The following FNBP1L variants were observed in gnomAD, a reference collection of about 807,000 sequenced individuals.
FNBP1L encodes the protein formin binding protein 1 like, also known as formin-binding protein 1-like.
Under a neutral mutation model 91.2 loss-of-function variants are expected in FNBP1L, and 36 were observed. That is an observed-to-expected ratio of 0.39 (90% CI 0.30 to 0.52). FNBP1L has a LOEUF of 0.52. Ranked by LOEUF, FNBP1L falls within the 20% of genes least tolerant of loss-of-function variation. The pLI, the probability that FNBP1L is intolerant of heterozygous loss-of-function variation, is 0.66. For missense variants in FNBP1L, 571 were observed against 732.1 expected, an observed-to-expected ratio of 0.78 and a Z score of 2.54; for synonymous variants, 242 against 237.0, an observed-to-expected ratio of 1.02 and a Z score of -0.19.
At chr1:93,537,375 C>T (rs1231167010) in intron 10 of FNBP1L, among the ~76,000 whole-genome samples, 3 of 151,818 alleles carry the variant, frequency 2.0e-5, no homozygotes, top group Admixed American at 2.0e-4. Flanking sequence ...CCCTTCCCTC[C>T]CTTCCTTTCT....
At chr1:93,498,596 G>A (rs564071317) in intron 1 of FNBP1L, among the ~76,000 whole-genome samples, 1 of 152,232 alleles carries the variant, frequency 6.6e-6, no homozygotes, top group East Asian at 1.9e-4. Context: ...TTATGGAAAG[G>A]GATGATACTT....
intron 2 of FNBP1L, among the ~76,000 whole-genome samples, chr1:93,512,927 C>G (rs1670914897): frequency 2.0e-5 from 3 of 151,526 alleles, no homozygotes; most frequent in Admixed American, 6.6e-5. Flanking sequence ...GAAATCAGAG[C>G]AGAACTGAAG....
chr1:93,530,623 T>A, intron 6 of FNBP1L, 132 bp from the exon 7 acceptor site: 1 of 884,046 alleles, frequency 1.1e-6, no homozygotes, highest in South Asian at 1.7e-5. Flanking sequence ...AAAAAAGTTA[T>A]GCCACGTCAT....
chr1:93,547,203 T>G, intron 13 of FNBP1L, 144 bp from the exon 14 acceptor site: 1 of 871,410 alleles, frequency 1.1e-6, no homozygotes, highest in Non-Finnish European at 1.8e-6. Flanking sequence ...ATAAAGTTGA[T>G]CCTTTGACCA....
At chr1:93,510,754 G>A (rs1320350526) in intron 2 of FNBP1L, among the ~76,000 whole-genome samples, 1 of 152,108 alleles carries the variant, frequency 6.6e-6, no homozygotes, top group Non-Finnish European at 1.5e-5. Flanking sequence ...ACAGAGAAGT[G>A]CTTAAAGGAG....
chr1:93,520,612 C>A (rs1474701774), intron 2 of FNBP1L, among the ~76,000 whole-genome samples: 1 of 152,102 alleles, frequency 6.6e-6, no homozygotes, highest in Non-Finnish European at 1.5e-5. Flanking sequence ...CCAGGTTGAC[C>A]ATACTTTGAG....
chr1:93,494,587 TGAAAGG>T (rs1465568231), intron 1 of FNBP1L, among the ~76,000 whole-genome samples: 1 of 152,108 alleles, frequency 6.6e-6, no homozygotes, highest in African/African-American at 2.4e-5. Context: ...TAGGTATGAT[TGAAAGG>T]GGGTTATTAT....
intron 8 of FNBP1L, among the ~76,000 whole-genome samples, chr1:93,534,365 CT>C (rs1319362599): frequency 1.1e-4 from 16 of 152,102 alleles, no homozygotes; most frequent in Non-Finnish European, 1.9e-4. Context: ...AGAATTTCTA[CT>C]TGTTAATAAC....
rs1446150360 is a variant in FNBP1L at position 93,529,688 on chromosome 1, GA to G, written c.446del (p.Lys149ArgfsTer27). Reference sequence around the variant, plus strand: ...GTTTGAAAGAGAATGTAGAGAGGCAGAAAAGGCACAACAGAGTTATGAAAGA... The same window carrying G: ...GTTTGAAAGAGAATGTAGAGAGGCAGAAAGGCACAACAGAGTTATGAAAGA... ...KKFERECREA[E>X]KAQQSYERLD... On this transcript the variant is annotated frameshift_variant, in exon 6 of 17. Transcript: ENST00000271234. LOFTEE classifies it high-confidence loss of function. 4.0e-6 allele frequency: 6 copies of G among 1,514,162 alleles called. No homozygotes were observed. Among genetic ancestry groups the G allele is most frequent in the East Asian group, 2.6e-5 (1 of 39,066 alleles). 93.8% of individuals were successfully genotyped at this position (1,514,162 alleles called of 1,614,324 possible).
intron 8 of FNBP1L, 42 bp from the exon 9 acceptor site, chr1:93,534,663 G>T: frequency 7.4e-7 from 1 of 1,349,816 alleles, no homozygotes; most frequent in South Asian, 1.4e-5. Context: ...GTAGAATTAT[G>T]AGCAAGTGAA....
chr1:93,470,985 G>A (rs1333090004), intron 1 of FNBP1L, among the ~76,000 whole-genome samples: 1 of 151,884 alleles, frequency 6.6e-6, no homozygotes, highest in Non-Finnish European at 1.5e-5. Context: ...AGATATTTTG[G>A]CTGTTCTTTG....
intron 10 of FNBP1L, 119 bp from the exon 11 acceptor site, chr1:93,540,923 T>A: frequency 1.3e-6 from 1 of 794,838 alleles, no homozygotes; most frequent in South Asian, 2.8e-5. Context: ...TTGTTTGGAT[T>A]GTGAAATGTA....
rs145331441 is a variant in FNBP1L, at chr1:93,463,172, C to T, written c.24+14867C>T. Among the ~76,000 whole-genome samples the T allele has an allele frequency of 1.9e-3, 287 of 152,222 alleles. 1 individual carries two copies. Among genetic ancestry groups the T allele is most frequent in the African/African-American group, 6.6e-3 (276 of 41,538 alleles). ...TCAATAAGGATTTTCTTTTAAAGCG[C>T]TTCCTTACTTTCTGGGACTGTAAGA... On this transcript the variant is annotated intron_variant, in intron 1 of 16. Transcript: ENST00000271234.
chr1:93,524,397 T>A (rs1671430171), intron 5 of FNBP1L, 74 bp downstream of exon 5: 1 of 1,065,568 alleles, frequency 9.4e-7, no homozygotes, highest in African/African-American at 1.7e-5. Context: ...TTATGCTTCA[T>A]ATCTATTTGA....
chr1:93,551,038 A>G lies in FNBP1L; in HGVS notation c.1743A>G (p.Arg581=), dbSNP rs1672395872. Residue 581 remains arginine, a synonymous_variant, in exon 16 of 17, where the codon AGA becomes AGG. Coordinates refer to ENST00000271234, the MANE Select transcript of FNBP1L (RefSeq NM_001164473.3). ...DKGDGWTRAR[R]QNGEEGYVPT... is the part of the protein sequence containing the mutation. ...GTGACGGATGGACAAGAGCTCGGAGACAGAACGGTGAAGAAGGCTACGTTC... is the reference window on the plus strand; with the variant it reads ...GTGACGGATGGACAAGAGCTCGGAGGCAGAACGGTGAAGAAGGCTACGTTC... 9 of 1,612,966 alleles carry G rather than the reference A, an allele frequency of 5.6e-6. No homozygotes were observed. Among genetic ancestry groups the G allele is most frequent in the Non-Finnish European group, 7.6e-6 (9 of 1,179,390 alleles).
At chr1:93,523,050 T>C (rs987486828) in intron 3 of FNBP1L, among the ~76,000 whole-genome samples, 6 of 152,186 alleles carry the variant, frequency 3.9e-5, no homozygotes, top group African/African-American at 1.4e-4. Flanking sequence ...GGCCAGTCAG[T>C]TGGCAACTTA....
chr1:93,515,122 C>G (rs913417099), intron 2 of FNBP1L, among the ~76,000 whole-genome samples: 6 of 152,212 alleles, frequency 3.9e-5, no homozygotes, highest in African/African-American at 1.4e-4. Context: ...ACAGACACTG[C>G]TCAAAAGAAG....
rs1449296913 is a variant in FNBP1L at position 93,546,833 on chromosome 1, C to CT, written c.1275-3dup. On this transcript the variant is annotated splice_polypyrimidine_tract_variant and intron_variant, in intron 12 of 16. Transcript: ENST00000271234. ...AATATTTAATTCTGGGGTTCCTTCT[C>CT]TTTTTTAGAGATGCACTCAACAAAA... 1 of 1,610,902 alleles carries CT rather than the reference C, an allele frequency of 6.2e-7. No homozygotes were observed. Among genetic ancestry groups the CT allele is most frequent in the Non-Finnish European group, 8.5e-7 (1 of 1,178,638 alleles).
At chr1:93,498,098 T>G (rs1670328823) in intron 1 of FNBP1L, among the ~76,000 whole-genome samples, 1 of 152,146 alleles carries the variant, frequency 6.6e-6, no homozygotes, top group Non-Finnish European at 1.5e-5. Flanking sequence ...ATATAATTGT[T>G]TTTGTTCAGG....
Sources: gnomAD v4.1 joint callset for allele counts (sites outside exome capture counted in the v4.1 genomes callset) on GRCh38, gnomAD v4.1.1 for gene constraint, MANE v1.5 for transcripts, NCBI Gene and HGNC (gene_info 2026-07-23, HGNC 2026-07-21) for gene names.